THBS2: variants seen among roughly 807,000 people sequenced by gnomAD.
THBS2 encodes thrombospondin-2.
THBS2 carries 47 observed loss-of-function variants against 135.2 expected under a neutral mutation model. The ratio of observed to expected loss-of-function variants is 0.35; its 90% CI spans 0.28 to 0.44. The LOEUF is 0.44. THBS2 is among the 20% of genes least tolerant of loss of function. The pLI, the probability that THBS2 is intolerant of heterozygous loss-of-function variation, is 1.00. For synonymous variants in THBS2, 639 were observed against 633.8 expected, an observed-to-expected ratio of 1.01 and a Z score of -0.12; for missense variants, 1,288 against 1,603.1, an observed-to-expected ratio of 0.80 and a Z score of 3.36.
In THBS2 at chr6:169,217,971, T is replaced by A. The variant is rs117140950; in HGVS notation, c.3512-142A>T. 5,527 of 715,362 alleles carry A rather than the reference T, an allele frequency of 7.7e-3. 38 individuals are homozygous for A. Among genetic ancestry groups the A allele is most frequent in the Middle Eastern group, 0.01 (23 of 2,300 alleles). 44.3% of individuals were successfully genotyped at this position (715,362 alleles called of 1,614,324 possible). A position where few individuals can be genotyped will look rare whatever the true frequency, so the allele number is the denominator to read the frequency against. ...TCATATGGATGGATGGATGGATGGA[T>A]GAAATGGATGGGTGGATGGATGAGA... is the stretch of plus-strand genomic sequence containing the variant. On this transcript the variant is annotated intron_variant, in intron 21 of 21. Transcript: ENST00000617924.
At position 169,220,271 on chromosome 6, in the gene THBS2, A is replaced by G. The variant is rs766166187; in HGVS notation, c.3438T>C (p.Ala1146=). ...DSGPIYDQTY[A]GGRLGLFVFS... is the part of the protein sequence containing the mutation. The stretch of plus-strand genomic sequence containing the variant: ...AGACAAATAGACCCAGCCGCCCGCC[A>G]GCGTAGGTTTGGTCATAGATAGGTC... Residue 1146 remains alanine (A), a synonymous_variant, in exon 21 of 22, where the codon GCT becomes GCC. Coordinates refer to ENST00000617924, the MANE Select transcript of THBS2 (RefSeq NM_003247.5). 3 of 1,613,942 alleles carry G rather than the reference A, an allele frequency of 1.9e-6. No individual in the cohort carries two copies. Among genetic ancestry groups the G allele is most frequent in the Non-Finnish European group, 2.5e-6 (3 of 1,179,958 alleles).
chr6:169,229,279 C>G (rs1438149257), intron 14 of THBS2, among the ~76,000 whole-genome samples: 1 of 152,212 alleles, frequency 6.6e-6, no homozygotes, highest in Non-Finnish European at 1.5e-5. Flanking sequence ...CAGCCTTGCC[C>G]ATCACTGGCT....
Position 169,234,791 on chromosome 6 carries a change from C to T in THBS2, c.1594G>A (p.Ala532Thr), listed in dbSNP as rs1162432141. 17 of 1,609,886 alleles carry T rather than the reference C, an allele frequency of 1.1e-5. No homozygotes were observed. The highest frequency in any genetic ancestry group is 1.4e-5 in the Non-Finnish European group (17 of 1,177,736). Reference sequence around the variant, plus strand: ...CGCTCCTGCACATCCCCCACGCAGGCCTTCCCTCCGTACTGAGGCTCAGGG... The same window carrying T: ...CGCTCCTGCACATCCCCCACGCAGGTCTTCCCTCCGTACTGAGGCTCAGGG... ...NSPEPQYGGK[A>T]CVGDVQERQM... The change falls in exon 10 of 22, where the codon GCC (alanine) becomes ACC (threonine). Residue 532 changes from alanine to threonine, a missense_variant. Ala to Thr is a moderately conservative substitution (Grantham distance 58, BLOSUM62 0). Coordinates refer to ENST00000617924, the MANE Select transcript of THBS2 (RefSeq NM_003247.5).
chr6:169,248,201 T>C (rs1780623149), intron 3 of THBS2, among the ~76,000 whole-genome samples: 1 of 151,966 alleles, frequency 6.6e-6, no homozygotes, highest in South Asian at 2.1e-4. Flanking sequence ...TGTGTGTGCA[T>C]GTGTGCACAT....
At chr6:169,235,707 A>ACTTCC (rs1275942732) in intron 9 of THBS2, among the ~76,000 whole-genome samples, 3 of 127,344 alleles carry the variant, frequency 2.4e-5, no homozygotes, top group Non-Finnish European at 5.1e-5. Flanking sequence ...ACACTCACTC[A>ACTTCC]GTCCACACTC....
At chr6:169,244,735 A>G (rs1265378207) in intron 4 of THBS2, among the ~76,000 whole-genome samples, 1 of 152,176 alleles carries the variant, frequency 6.6e-6, no homozygotes, top group East Asian at 1.9e-4. Flanking sequence ...CATGAAGCTG[A>G]GGCCCTGGCA....
chr6:169,242,648 A>ACCTTC (rs1378125369), intron 4 of THBS2, among the ~76,000 whole-genome samples: 6 of 14,130 alleles, frequency 4.2e-4, no homozygotes, highest in African/African-American at 1.1e-3. Flanking sequence ...CCACCTTCCC[A>ACCTTC]CCACTCCCAC....
intron 21 of THBS2, among the ~76,000 whole-genome samples, chr6:169,219,052 AGATGGATG>A (rs369239329): frequency 1.5e-5 from 2 of 136,882 alleles, no homozygotes; most frequent in African/African-American, 5.6e-5. Flanking sequence ...TGGGTGGATG[AGATGGATG>A]GATGGATGGA....
rs750605264 is a variant in THBS2, at chr6:169,223,316, T to A, written c.2933A>T (p.Asn978Ile). ...DPKGTTQIDP[N>I]WVIRHQGKEL... Reference sequence around the variant, plus strand: ...CTTGCCTTGATGGCGAATGACCCAGTTGGGATCAATTTGGGTGGTCCCTTT... The same window carrying A: ...CTTGCCTTGATGGCGAATGACCCAGATGGGATCAATTTGGGTGGTCCCTTT... Residue 978 changes from asparagine (N) to isoleucine (I), a missense_variant, in exon 18 of 22, where the codon AAC becomes ATC. Physicochemically the swap from Asn to Ile is moderately radical, Grantham distance 149 (BLOSUM62 -3). Coordinates refer to ENST00000617924, the MANE Select transcript of THBS2 (RefSeq NM_003247.5). 6.2e-7 allele frequency: 1 copy of A among 1,614,170 alleles called. No homozygotes were observed. Among genetic ancestry groups the A allele is most frequent in the Middle Eastern group, 1.7e-4 (1 of 6,060 alleles).
At chr6:169,237,878 G>A (rs571589492) in intron 7 of THBS2, 83 bp from the exon 8 acceptor site, 12 of 1,449,928 alleles carry the variant, frequency 8.3e-6, no homozygotes, top group East Asian at 4.9e-5. Flanking sequence ...GGCAGCTGGC[G>A]TGGGGCCACA....
chr6:169,227,175 G>C (rs760848545), intron 15 of THBS2, among the ~76,000 whole-genome samples: 7 of 152,178 alleles, frequency 4.6e-5, no homozygotes, highest in Non-Finnish European at 1.0e-4. Flanking sequence ...CTCAGAAAGG[G>C]GGTGGCTGGC....
At chr6:169,224,073 C>T (rs541512590) in intron 17 of THBS2, among the ~76,000 whole-genome samples, 6 of 152,256 alleles carry the variant, frequency 3.9e-5, no homozygotes, top group South Asian at 2.1e-4. Context: ...TATCAGTCTA[C>T]GGCGATGACG....
chr6:169,227,350 G>T (rs1779671692), intron 15 of THBS2, among the ~76,000 whole-genome samples: 1 of 152,188 alleles, frequency 6.6e-6, no homozygotes, highest in Admixed American at 6.5e-5. Context: ...CAGTGGCACT[G>T]GGTTGCAGAG....
intron 8 of THBS2, 25 bp downstream of exon 8, chr6:169,237,600 C>A (rs376077517): frequency 1.2e-6 from 2 of 1,610,364 alleles, no homozygotes; most frequent in Admixed American, 1.7e-5. Flanking sequence ...CACAGGCACG[C>A]GGGTGTCACC....
intron 4 of THBS2, among the ~76,000 whole-genome samples, chr6:169,244,839 G>T (rs10945408): frequency 0.43 from 64,873 of 151,864 alleles, 15,232 homozygotes; most frequent in East Asian, 0.65. Context: ...GTGACAGTTG[G>T]AGCTGGAATG....
In THBS2 at chr6:169,234,143, T is replaced by A. The variant is rs1038993185; in HGVS notation, c.1651+591A>T. The stretch of plus-strand genomic sequence containing the variant: ...GCTACTCACATGCCACGTTTCACAC[T>A]ACACAACTACATATTCCAGACCACA... On this transcript the variant is annotated intron_variant, in intron 10 of 21. Transcript: ENST00000617924. Among the ~76,000 whole-genome samples, 6 of 149,306 alleles carry A rather than the reference T, an allele frequency of 4.0e-5. No homozygotes were observed. In the East Asian group the frequency reaches 1.2e-3, roughly 29 times the overall value.
intron 12 of THBS2, 150 bp downstream of exon 12, chr6:169,232,514 G>T: frequency 1.5e-6 from 2 of 1,347,640 alleles, no homozygotes; most frequent in Non-Finnish European, 2.0e-6. Context: ...CGGCCCAGCC[G>T]AGCAGGTGCT....
intron 16 of THBS2, 37 bp from the exon 17 acceptor site, chr6:169,225,416 G>T: frequency 6.5e-7 from 1 of 1,538,748 alleles, no homozygotes; most frequent in South Asian, 1.2e-5. Flanking sequence ...GCAGAGGACT[G>T]CCAGTTTGAG....
intron 3 of THBS2, 42 bp from the exon 4 acceptor site, chr6:169,246,323 C>T: frequency 6.7e-7 from 1 of 1,500,952 alleles, no homozygotes; most frequent in Non-Finnish European, 9.3e-7. Flanking sequence ...AACAGATAAA[C>T]ATCCAATGTT....
Sources: gnomAD v4.1 joint callset for allele counts (sites outside exome capture counted in the v4.1 genomes callset) on GRCh38, gnomAD v4.1.1 for gene constraint, MANE v1.5 for transcripts, NCBI Gene and HGNC (gene_info 2026-07-23, HGNC 2026-07-21) for gene names.